The following FSTL5 variants were observed in gnomAD, a reference collection of about 807,000 sequenced individuals.
FSTL5 encodes the protein follistatin-related protein 5.
FSTL5 carries 62 observed loss-of-function variants against 89.1 expected under a neutral mutation model. That is an observed-to-expected ratio of 0.70 (90% CI 0.57 to 0.86). The LOEUF is 0.86. Ranked by LOEUF, FSTL5 falls within the 40% of genes least tolerant of loss-of-function variation. The pLI is 0.00. For missense variants in FSTL5, 1,057 were observed against 1,001.6 expected (o/e 1.06, Z -0.75); for synonymous variants, 383 against 346.2 (o/e 1.11, Z -1.18).
In FSTL5 at chr4:161,920,652, C is replaced by T. The variant is rs1205161078; in HGVS notation, c.161G>A (p.Gly54Glu). ...AAAAGGGCCATCCTGAATCATAAAT[C>T]CTGAAGAATTAAAAAAAAATTGAAA... ...EKNQESSRVK[G>E]FMIQDGPFGS... Residue 54 changes from glycine (G) to glutamate (E), a missense_variant and splice_region_variant, in exon 4 of 16, where the codon GGA becomes GAA. Gly to Glu is a moderately conservative substitution (Grantham distance 98). This residue lies in a region of FSTL5 where 980 missense variants were observed against 903.2 expected (regional missense o/e 1.08). Transcript: ENST00000306100. The T allele has an allele frequency of 6.6e-7, 1 of 1,522,196 alleles. No individual in the cohort carries two copies. Among genetic ancestry groups the T allele is most frequent in the Non-Finnish European group, 8.8e-7 (1 of 1,139,092 alleles). 94.3% of individuals were successfully genotyped at this position (1,522,196 alleles called of 1,614,324 possible). A position where few individuals can be genotyped will look rare whatever the true frequency, so the allele number is the denominator to read the frequency against.
In FSTL5 at chr4:161,386,304, T is replaced by C. The variant is rs1730638199; in HGVS notation, c.1987A>G (p.Ile663Val). Residue 663 changes from isoleucine (I) to valine (V), a missense_variant, in exon 16 of 16, where the codon ATT (isoleucine) becomes GTT (valine). By Grantham distance (29) the Ile-to-Val change is conservative. Around this residue, in one of 3 missense-constraint regions of FSTL5, gnomAD observed 980 missense variants for 903.2 expected, o/e 1.08. Transcript: ENST00000306100. ...CCGGTGCTGTCAGGTTTGCAGCCAATGAAGTAGTAGCCTCCCAAGTGTGTA... is the reference window on the plus strand; with the variant it reads ...CCGGTGCTGTCAGGTTTGCAGCCAACGAAGTAGTAGCCTCCCAAGTGTGTA... Reference protein sequence around the residue: ...AYTHLGGYYFIGCKPDSTGAV... With the variant: ...AYTHLGGYYFVGCKPDSTGAV... 1 of 1,613,838 alleles carries C rather than the reference T, an allele frequency of 6.2e-7. No homozygotes were observed. Among genetic ancestry groups the C allele is most frequent in the African/African-American group, 1.3e-5 (1 of 74,898 alleles).
chr4:161,735,075 C>G (rs1739763966), intron 6 of FSTL5, among the ~76,000 whole-genome samples: 1 of 152,172 alleles, frequency 6.6e-6, no homozygotes, highest in East Asian at 1.9e-4. Context: ...TGTTGTTTTA[C>G]CTGGGCTTCT....
chr4:161,565,286 T>C (rs114867291), intron 8 of FSTL5, among the ~76,000 whole-genome samples: 1 of 151,874 alleles, frequency 6.6e-6, no homozygotes. Flanking sequence ...TTTTTGCATT[T>C]GATTAATATG....
rs997425148 is a variant in FSTL5, at chr4:162,059,143, A to T, written c.127-25485T>A. ...AACAATACAAATTTCTGAAAGTCTG[A>T]GTATGTATCAAAATAAGTTTGAGAT... On this transcript the variant is annotated intron_variant, in intron 2 of 15. Coordinates refer to ENST00000306100, the MANE Select transcript of FSTL5 (RefSeq NM_020116.5). 1.2e-4 allele frequency among the ~76,000 whole-genome samples: 18 copies of T among 152,346 alleles called. No individual in the cohort carries two copies. In the East Asian group the frequency reaches 2.1e-3, roughly 18 times the overall value.
chr4:161,647,340 G>A (rs1736187234), intron 7 of FSTL5, among the ~76,000 whole-genome samples: 1 of 152,042 alleles, frequency 6.6e-6, no homozygotes, highest in Non-Finnish European at 1.5e-5. Context: ...TTGTTCCATA[G>A]GTCAATATAT....
At chr4:161,982,336 T>C (rs993801986) in intron 3 of FSTL5, among the ~76,000 whole-genome samples, 16 of 152,302 alleles carry the variant, frequency 1.1e-4, no homozygotes, top group Admixed American at 2.6e-4. Flanking sequence ...ACAGTATTCA[T>C]AGGAAATTGA....
chr4:161,980,837 C>A (rs542915433), intron 3 of FSTL5, among the ~76,000 whole-genome samples: 1 of 131,078 alleles, frequency 7.6e-6, no homozygotes, highest in Non-Finnish European at 1.5e-5. Flanking sequence ...AGTGCAATGG[C>A]GCGATCTCGG....
At chr4:161,559,406 T>C (rs1163032075) in intron 8 of FSTL5, among the ~76,000 whole-genome samples, 5 of 151,870 alleles carry the variant, frequency 3.3e-5, no homozygotes, top group Admixed American at 6.6e-5. Context: ...TTTTCTTACT[T>C]TTCTTCATTG....
chr4:161,568,767 T>G (rs1482014779), intron 8 of FSTL5, among the ~76,000 whole-genome samples: 1 of 152,222 alleles, frequency 6.6e-6, no homozygotes. Flanking sequence ...GTAAGCAGTT[T>G]TTTTGTTGTT....
chr4:161,559,743 A>C (rs748616209), intron 8 of FSTL5, among the ~76,000 whole-genome samples: 2 of 151,952 alleles, frequency 1.3e-5, no homozygotes, highest in Non-Finnish European at 2.9e-5. Flanking sequence ...AAATGTGTTC[A>C]TGCCTTACTT....
chr4:161,993,563 T>C (rs1337416353), intron 3 of FSTL5, among the ~76,000 whole-genome samples: 2 of 152,134 alleles, frequency 1.3e-5, no homozygotes, highest in Non-Finnish European at 2.9e-5. Context: ...TTTTGATATA[T>C]GCATATAATA....
chr4:161,725,175 G>A (rs1456938098), intron 6 of FSTL5, among the ~76,000 whole-genome samples: 11 of 151,972 alleles, frequency 7.2e-5, no homozygotes, highest in East Asian at 1.9e-4. Context: ...CAGCCTGTCC[G>A]TCTCAAAAAA....
intron 2 of FSTL5, among the ~76,000 whole-genome samples, chr4:162,109,264 G>C (rs768135195): frequency 8.6e-5 from 13 of 151,820 alleles, no homozygotes; most frequent in Non-Finnish European, 2.9e-5. Context: ...GAATATGAGG[G>C]TTGACAATGA....
chr4:161,947,473 C>A (rs1282861547), intron 3 of FSTL5, among the ~76,000 whole-genome samples: 6 of 151,908 alleles, frequency 3.9e-5, no homozygotes, highest in Non-Finnish European at 5.9e-5. Context: ...ATCATCTTCC[C>A]CAGACATATG....
chr4:161,706,402 T>A (rs1738581195), intron 6 of FSTL5, among the ~76,000 whole-genome samples: 1 of 152,038 alleles, frequency 6.6e-6, no homozygotes, highest in Non-Finnish European at 1.5e-5. Context: ...TTATCCTCAA[T>A]ATTTTAATTC....
intron 3 of FSTL5, among the ~76,000 whole-genome samples, chr4:161,984,940 C>T (rs1172490029): frequency 1.3e-5 from 2 of 151,566 alleles, no homozygotes; most frequent in Non-Finnish European, 2.9e-5. Flanking sequence ...TGCTCTCTCT[C>T]GAACATATTA....
chr4:161,971,190 T>G (rs1735472598), intron 3 of FSTL5, among the ~76,000 whole-genome samples: 1 of 151,906 alleles, frequency 6.6e-6, no homozygotes, highest in Non-Finnish European at 1.5e-5. Context: ...TGGAGGAGAG[T>G]TCTCAAATTA....
At chr4:161,542,788 A>G (rs1731876150) in intron 8 of FSTL5, 95 bp from the exon 9 acceptor site, 1 of 658,194 alleles carries the variant, frequency 1.5e-6, no homozygotes, top group South Asian at 5.2e-5. Context: ...ATAATAAATT[A>G]TATATTTTAA....
intron 4 of FSTL5, among the ~76,000 whole-genome samples, chr4:161,881,983 C>T (rs1198219078): frequency 6.6e-6 from 1 of 152,106 alleles, no homozygotes; most frequent in Admixed American, 6.6e-5. Context: ...TGATCTCAAA[C>T]TGCAATTTGA....
Sources: gnomAD v4.1 joint callset for allele counts (sites outside exome capture counted in the v4.1 genomes callset) on GRCh38, gnomAD v4.1.1 for gene constraint, gnomAD v4.1.1 regional missense constraint, MANE v1.5 for transcripts, NCBI Gene and HGNC (gene_info 2026-07-23, HGNC 2026-07-21) for gene names.